Variants in SLC36A1 observed in about 807,000 individuals in gnomAD.
SLC36A1 encodes proton-coupled amino acid transporter 1.
A neutral mutation model predicts 47.5 loss-of-function variants in SLC36A1; 30 were observed. That is an observed-to-expected ratio of 0.63 (90% CI 0.47 to 0.86). SLC36A1 has a LOEUF of 0.86. Ranked by LOEUF, SLC36A1 falls within the 40% of genes least tolerant of loss-of-function variation. SLC36A1 has a pLI of 0.00. For missense variants in SLC36A1, 517 were observed against 606.0 expected (o/e 0.85, Z 1.54); for synonymous variants, 255 against 249.7 (o/e 1.02, Z -0.20).
the SLC36A1 span, among the ~76,000 whole-genome samples, chr5:151,421,037 A>AT: frequency 2.6e-3 from 377 of 147,714 alleles, 1 homozygote; most frequent in African/African-American, 8.9e-3. Context: ...CACTCAGCTA[A>AT]TTTTTTTTTG....
At chr5:151,369,016 G>A in the SLC36A1 span, among the ~76,000 whole-genome samples, 1 of 152,224 alleles carries the variant, frequency 6.6e-6, no homozygotes, top group Non-Finnish European at 1.5e-5. Context: ...CACGTGGATG[G>A]AAAAAGCTGA....
the SLC36A1 span, chr5:151,512,770 CT>C: frequency 2.1e-5 from 14 of 654,198 alleles, no homozygotes; most frequent in Admixed American, 2.9e-5. The surrounding 1 kb of genome is among the most constrained non-coding windows in gnomAD (Gnocchi z 4.1). Flanking sequence ...CCTCAAAGTG[CT>C]TTTGTGTTGA....
chr5:151,454,404 A>C (rs952373388), intron 1 of SLC36A1, among the ~76,000 whole-genome samples: 6 of 152,140 alleles, frequency 3.9e-5, no homozygotes, highest in Admixed American at 2.6e-4. Flanking sequence ...GACAGAGAGC[A>C]GGAGGAGGAG....
At chr5:151,447,423 C>T (rs2127445245), upstream of SLC36A1, among the ~76,000 whole-genome samples, 1 of 152,372 alleles carries the variant, frequency 6.6e-6, no homozygotes, top group Middle Eastern at 3.4e-3. Context: ...GATCAATGCC[C>T]TGTTCAGTTC....
the SLC36A1 span, among the ~76,000 whole-genome samples, chr5:151,354,023 G>A: frequency 6.6e-6 from 1 of 152,174 alleles, no homozygotes; most frequent in Non-Finnish European, 1.5e-5. Context: ...GCTACTATCT[G>A]CCGGGTGCAG....
At chr5:151,426,276 T>G in the SLC36A1 span, among the ~76,000 whole-genome samples, 1 of 151,936 alleles carries the variant, frequency 6.6e-6, no homozygotes, top group African/African-American at 2.4e-5. Context: ...AGGGGACCGG[T>G]GCTCAGCATA....
the SLC36A1 span, among the ~76,000 whole-genome samples, chr5:151,426,371 G>T: frequency 6.6e-6 from 1 of 151,950 alleles, no homozygotes; most frequent in Non-Finnish European, 1.5e-5. Flanking sequence ...GGGGGATGTA[G>T]CAGGACTATA....
At chr5:151,436,738 A>AC (rs140289621), upstream of SLC36A1, among the ~76,000 whole-genome samples, 49,971 of 151,726 alleles carry the variant, frequency 0.33, 10,569 homozygotes, top group African/African-American at 0.61. Flanking sequence ...ATGTCCTAGG[A>AC]CTATCCAGTC....
chr5:151,351,215 G>A, the SLC36A1 span, among the ~76,000 whole-genome samples: 3 of 152,266 alleles, frequency 2.0e-5, no homozygotes, highest in East Asian at 1.9e-4. Flanking sequence ...CACCGATTGG[G>A]AAACTGAGGC....
the SLC36A1 span, among the ~76,000 whole-genome samples, chr5:151,417,930 C>T: frequency 6.6e-6 from 1 of 152,234 alleles, no homozygotes; most frequent in Admixed American, 6.5e-5. Context: ...GTTTTGTGGG[C>T]CAGGCCTAGG....
At chr5:151,543,038 T>C in the SLC36A1 span, 5 of 1,614,166 alleles carry the variant, frequency 3.1e-6, no homozygotes, top group Non-Finnish European at 2.5e-6. Flanking sequence ...GCAGAGAAAG[T>C]ATACAAAGGT....
chr5:151,404,075 G>T, the SLC36A1 span, among the ~76,000 whole-genome samples: 6,668 of 152,232 alleles, frequency 0.044, 363 homozygotes, highest in African/African-American at 0.13. Flanking sequence ...GGAAGTACTT[G>T]TTATATGAAT....
chr5:151,475,172 T>C (rs193114321), intron 8 of SLC36A1, among the ~76,000 whole-genome samples: 1 of 152,288 alleles, frequency 6.6e-6, no homozygotes, highest in East Asian at 1.9e-4. Context: ...AGTGGGCCCA[T>C]ACTTCAGCAG....
the SLC36A1 span, among the ~76,000 whole-genome samples, chr5:151,416,355 C>T: frequency 1.3e-5 from 2 of 152,206 alleles, no homozygotes; most frequent in Non-Finnish European, 2.9e-5. Context: ...TGGATCTGGA[C>T]TCTTTCTGCT....
At chr5:151,542,672 C>T in the SLC36A1 span, 4 of 1,614,218 alleles carry the variant, frequency 2.5e-6, no homozygotes, top group South Asian at 2.2e-5. Flanking sequence ...ATGGCAGTCA[C>T]TTGAATGACT....
At chr5:151,421,553 G>A in the SLC36A1 span, among the ~76,000 whole-genome samples, 1 of 146,934 alleles carries the variant, frequency 6.8e-6, no homozygotes, top group Non-Finnish European at 1.5e-5. Flanking sequence ...ATCTTGTAGA[G>A]TTTTTTCTTT....
chr5:151,454,903 G>A (rs1021338800), intron 1 of SLC36A1, among the ~76,000 whole-genome samples: 2 of 151,892 alleles, frequency 1.3e-5, no homozygotes, highest in Non-Finnish European at 2.9e-5. Flanking sequence ...TAGTAGAGAC[G>A]GCTTTTAAAG....
chr5:151,356,348 A>AAAAAAAAAAAAAAAAAAAAAAAAAAAAG, the SLC36A1 span, among the ~76,000 whole-genome samples: 1 of 148,358 alleles, frequency 6.7e-6, no homozygotes, highest in African/African-American at 2.5e-5. Flanking sequence ...ACAAAAAAAA[A>AAAAAAAAAAAAAAAAAAAAAAAAAAAAG]AAAAAAAAAA....
chr5:151,463,078 G>A (rs1755792067), intron 2 of SLC36A1, among the ~76,000 whole-genome samples: 1 of 152,048 alleles, frequency 6.6e-6, no homozygotes, highest in Admixed American at 6.5e-5. Context: ...GTTTCGCCTT[G>A]TTGGCCAGGC....
Sources: allele counts gnomAD v4.1 joint callset (sites outside exome capture counted in the v4.1 genomes callset), GRCh38; gene constraint gnomAD v4.1.1; non-coding constraint Gnocchi (gnomAD v3.1); transcripts MANE v1.5; gene names NCBI Gene and HGNC (gene_info 2026-07-23, HGNC 2026-07-21).